Variants in DIPK1C observed in about 807,000 individuals in gnomAD.
DIPK1C encodes the protein divergent protein kinase domain 1C.
In DIPK1C, 33 loss-of-function variants were observed where a neutral mutation model predicts 28.0. The observed-to-expected ratio is 1.18, with a 90% confidence interval of 0.89 to 1.58. DIPK1C has a LOEUF of 1.58. DIPK1C is among the 40% of genes most tolerant of loss of function. The pLI is 0.00. For synonymous variants in DIPK1C, 255 were observed against 248.8 expected (o/e 1.02, Z -0.23); for missense variants, 569 against 568.5 (o/e 1.00, Z -0.01).
intron 1 of DIPK1C, among the ~76,000 whole-genome samples, chr18:74,450,666 C>G (rs1022496211): frequency 6.6e-6 from 1 of 152,212 alleles, no homozygotes; most frequent in Non-Finnish European, 1.5e-5. Context: ...AAGAAGCCAC[C>G]TCCTCTCTGC....
chr18:74,440,958 G>A (rs1986108931), intron 3 of DIPK1C, among the ~76,000 whole-genome samples: 1 of 152,192 alleles, frequency 6.6e-6, no homozygotes, highest in Non-Finnish European at 1.5e-5. Context: ...GGCCCAGAAG[G>A]TCTGTGTAGA....
chr18:74,436,623 G>A lies in DIPK1C; in HGVS notation c.1138C>T (p.Gln380Ter), dbSNP rs897351612. ...GGGACCCCAGGGTCTGCACATTCCT[G>A]CACCGCCTCCTGTAACTGCAGCTGA... ...QLQLQLQEAV[Q>*]ECADPGVPSG... Residue 380 changes from glutamine to a stop codon, truncating the protein, a stop_gained, in exon 4 of 4, where the codon CAG becomes TAG. Coordinates refer to ENST00000343998, the MANE Select transcript of DIPK1C (RefSeq NM_001044369.3). LOFTEE classifies it low-confidence loss of function (END_TRUNC). 2 of 1,613,706 alleles carry A rather than the reference G, an allele frequency of 1.2e-6. No individual in the cohort carries two copies. Among genetic ancestry groups the A allele is most frequent in the Admixed American group, 3.3e-5 (2 of 60,024 alleles).
chr18:74,446,864 G>T lies in DIPK1C; in HGVS notation c.618C>A (p.Ser206Arg). 1 of 1,517,530 alleles carries T rather than the reference G, an allele frequency of 6.6e-7. No homozygotes were observed. Among genetic ancestry groups the T allele is most frequent in the Non-Finnish European group, 8.9e-7 (1 of 1,128,356 alleles). The allele number at this position is 1,517,530 out of a possible 1,614,324, so 94.0% of individuals were successfully genotyped here. The change falls in exon 2 of 4, where the codon AGC (serine) becomes AGA (arginine). Residue 206 changes from serine to arginine, a missense_variant. Physicochemically the swap from Ser to Arg is moderately radical, Grantham distance 110. Coordinates refer to ENST00000343998, the MANE Select transcript of DIPK1C (RefSeq NM_001044369.3). ...AACCCAGCACGGGCAGCACGTGTGGGCTCAGGTCCTGCAGCAGGCTGAAGT... is the reference window on the plus strand; with the variant it reads ...AACCCAGCACGGGCAGCACGTGTGGTCTCAGGTCCTGCAGCAGGCTGAAGT... ...YVYFSLLQDL[S>R]PHVLPVLGSC...
intron 1 of DIPK1C, among the ~76,000 whole-genome samples, chr18:74,456,139 A>G (rs1416888428): frequency 6.6e-6 from 1 of 152,206 alleles, no homozygotes; most frequent in Non-Finnish European, 1.5e-5. Context: ...ATAATCGCTT[A>G]AGAAGTCATG....
At chr18:74,456,448 TC>T (rs1431771886) in intron 1 of DIPK1C, among the ~76,000 whole-genome samples, 1 of 152,252 alleles carries the variant, frequency 6.6e-6, no homozygotes, top group East Asian at 1.9e-4. Flanking sequence ...CCCAGCCGCC[TC>T]CGCAGCGCTC....
At chr18:74,445,575 C>T (rs1306871110) in intron 2 of DIPK1C, among the ~76,000 whole-genome samples, 1 of 152,244 alleles carries the variant, frequency 6.6e-6, no homozygotes, top group East Asian at 1.9e-4. Flanking sequence ...GAGGCCATGA[C>T]TGGCAGTCAC....
chr18:74,436,303 G>C lies in DIPK1C; in HGVS notation c.*198C>G. On this transcript the variant is annotated 3_prime_UTR_variant, in exon 4 of 4. Transcript: ENST00000343998. ...TCCTCCCTCATCTCATTTTACACAA[G>C]GCGACAGGTCAGAGGCCAGGGTGGG... The C allele has an allele frequency of 1.7e-6, 1 of 590,342 alleles. No homozygotes were observed. The highest frequency in any genetic ancestry group is 3.0e-6 in the Non-Finnish European group (1 of 338,974). 36.6% of individuals were successfully genotyped at this position (590,342 alleles called of 1,614,324 possible).
upstream of DIPK1C, among the ~76,000 whole-genome samples, chr18:74,462,833 C>T (rs749773156): frequency 6.6e-6 from 1 of 152,196 alleles, no homozygotes; most frequent in Non-Finnish European, 1.5e-5. Context: ...TCTGCATTTA[C>T]ATTGCATTTC....
chr18:74,443,925 T>C (rs967385595), intron 2 of DIPK1C, among the ~76,000 whole-genome samples: 2 of 152,186 alleles, frequency 1.3e-5, no homozygotes, highest in African/African-American at 4.8e-5. Context: ...CCATTTCTGA[T>C]AGTTTCCTTC....
At chr18:74,459,449 T>C (rs949895721), upstream of DIPK1C, among the ~76,000 whole-genome samples, 12 of 152,236 alleles carry the variant, frequency 7.9e-5, no homozygotes, top group Non-Finnish European at 1.5e-4. Context: ...ACGGAAGTGA[T>C]GGTGCTCTCT....
chr18:74,455,709 CAA>C, intron 1 of DIPK1C, among the ~76,000 whole-genome samples: 1 of 87,040 alleles, frequency 1.1e-5, no homozygotes, highest in Middle Eastern at 9.3e-3. Context: ...GCCTGGGAGA[CAA>C]GAGCAAAACT....
At chr18:74,459,773 A>G (rs935950100), upstream of DIPK1C, among the ~76,000 whole-genome samples, 1 of 152,212 alleles carries the variant, frequency 6.6e-6, no homozygotes, top group South Asian at 2.1e-4. Context: ...GTATGTGGGC[A>G]GGAAAGATAT....
intron 3 of DIPK1C, 54 bp downstream of exon 3, chr18:74,441,898 C>A: frequency 2.5e-6 from 4 of 1,573,532 alleles, no homozygotes; most frequent in Non-Finnish European, 2.6e-6. Flanking sequence ...AGCTAGCGGG[C>A]AGAAACAGCC....
In DIPK1C at chr18:74,446,689, T is replaced by C. The variant is rs1568263748; in HGVS notation, c.793A>G (p.Asn265Asp). 1 of 1,534,596 alleles carries C rather than the reference T, an allele frequency of 6.5e-7. No homozygotes were observed. The change falls in exon 2 of 4, where the codon AAC becomes GAC. Residue 265 changes from asparagine (N) to aspartate (D), a missense_variant. Transcript: ENST00000343998. ...TGGGAAAAGTCACTGTCAAAATGGT[T>C]CACCATGTCCAAGAAGCTGAGTGCG... is the stretch of plus-strand genomic sequence containing the variant. ...DIALSFLDMVNHFDSDFSHRL... is the reference protein window; with the variant it reads ...DIALSFLDMVDHFDSDFSHRL...
rs1198230372 is a variant in DIPK1C at position 74,436,375 on chromosome 18, A to G, written c.*126T>C. The G allele has an allele frequency of 3.1e-6, 3 of 953,126 alleles. No homozygotes were observed. Among genetic ancestry groups the G allele is most frequent in the South Asian group, 3.4e-5 (2 of 58,036 alleles). 59.0% of individuals were successfully genotyped at this position (953,126 alleles called of 1,614,324 possible). ...CTCTGGCAGCAGCACTTGCCACTCC[A>G]CAATGTGGAGACCAGAACGGCACCC... On this transcript the variant is annotated 3_prime_UTR_variant, in exon 4 of 4. Coordinates refer to ENST00000343998, the MANE Select transcript of DIPK1C (RefSeq NM_001044369.3).
At chr18:74,458,940 C>CAAAAAAAAA (rs61690822), upstream of DIPK1C, among the ~76,000 whole-genome samples, 1 of 123,342 alleles carries the variant, frequency 8.1e-6, no homozygotes. Flanking sequence ...CCAACCTGGG[C>CAAAAAAAAA]AAAAAAAAAA....
intron 1 of DIPK1C, among the ~76,000 whole-genome samples, chr18:74,450,920 T>C (rs928918554): frequency 2.2e-4 from 33 of 152,210 alleles, no homozygotes; most frequent in African/African-American, 7.5e-4. Flanking sequence ...TGTGGCTTGT[T>C]TCCGAGTCTG....
rs560543467 is a variant in DIPK1C at position 74,455,869 on chromosome 18, C to T, written c.198+1193G>A. 2.0e-5 allele frequency among the ~76,000 whole-genome samples: 3 copies of T among 152,226 alleles called. No individual in the cohort carries two copies. The South Asian group carries it at 6.2e-4, about 32-fold the overall frequency. On this transcript the variant is annotated intron_variant, in intron 1 of 3. Transcript: ENST00000343998. ...CAATTCACGATGACACGATGACACG[C>T]GTCAGAATCAATTAGGAGCATAACT...
intron 3 of DIPK1C, among the ~76,000 whole-genome samples, chr18:74,440,226 G>A (rs536879438): frequency 1.3e-5 from 2 of 152,274 alleles, no homozygotes; most frequent in South Asian, 2.1e-4. Flanking sequence ...TTATGGGATC[G>A]TATTGTAAAT....
Sources: gnomAD v4.1 joint callset for allele counts (sites outside exome capture counted in the v4.1 genomes callset) on GRCh38, gnomAD v4.1.1 for gene constraint, MANE v1.5 for transcripts, NCBI Gene and HGNC (gene_info 2026-07-23, HGNC 2026-07-21) for gene names.